Variants in ZCCHC2 observed in about 807,000 individuals in gnomAD.
ZCCHC2 encodes zinc finger CCHC-type containing 2.
ZCCHC2 carries 39 observed loss-of-function variants against 103.6 expected under a neutral mutation model. The ratio of observed to expected loss-of-function variants is 0.38; its 90% CI spans 0.29 to 0.49. The LOEUF is 0.49. ZCCHC2 is among the 20% of genes least tolerant of loss of function. The pLI, the probability that ZCCHC2 is intolerant of heterozygous loss-of-function variation, is 0.96. For missense variants in ZCCHC2, 1,483 were observed against 1,491.0 expected, an observed-to-expected ratio of 0.99 and a Z score of 0.09; for synonymous variants, 687 against 608.9, an observed-to-expected ratio of 1.13 and a Z score of -1.89.
At position 62,523,913 on chromosome 18, in the gene ZCCHC2, C is replaced by G. The variant is rs1003575248; in HGVS notation, c.489C>G (p.Asp163Glu). 65 of 1,535,422 alleles carry G rather than the reference C, an allele frequency of 4.2e-5. No individual in the cohort carries two copies. Among genetic ancestry groups the G allele is most frequent in the Non-Finnish European group, 2.2e-5 (25 of 1,143,908 alleles). The change falls in exon 1 of 14, where the codon GAC becomes GAG. Residue 163 changes from aspartate (D) to glutamate (E), a missense_variant. Asp to Glu is a conservative substitution (Grantham distance 45). Transcript: ENST00000269499. ...NGLSDPGPLADFREPAVRSRL... is the reference protein window; with the variant it reads ...NGLSDPGPLAEFREPAVRSRL... ...TCTCGGACCCGGGGCCGCTGGCCGA[C>G]TTCCGAGAGCCCGCGGTGCGCTCGC...
intron 4 of ZCCHC2, among the ~76,000 whole-genome samples, chr18:62,548,760 G>A (rs1187136350): frequency 1.3e-5 from 2 of 151,678 alleles, no homozygotes; most frequent in African/African-American, 4.8e-5. Flanking sequence ...ATTCTCTACT[G>A]AAAATACAAA....
Position 62,523,376 on chromosome 18 carries a change from G to GGGGGGCC in ZCCHC2, c.-49_-48insGGGGGCC. On this transcript the variant is annotated 5_prime_UTR_variant, in exon 1 of 14. Transcript: ENST00000269499. The stretch of plus-strand genomic sequence containing the variant: ...GCCTCGGCCCGTGCTCCACCTCGCG[G>GGGGGGCC]CCCCTCCCGCCCGCCCCCGCTCGCA... 4.7e-5 allele frequency: 48 copies of GGGGGGCC among 1,012,284 alleles called. No homozygotes were observed. Among genetic ancestry groups the GGGGGGCC allele is most frequent in the Non-Finnish European group, 5.4e-5 (46 of 848,934 alleles). 62.7% of individuals were successfully genotyped at this position (1,012,284 alleles called of 1,614,324 possible). A position where few individuals can be genotyped will look rare whatever the true frequency, so the allele number is the denominator to read the frequency against.
chr18:62,573,171 C>T (rs568749578), intron 12 of ZCCHC2, among the ~76,000 whole-genome samples: 2 of 152,206 alleles, frequency 1.3e-5, no homozygotes, highest in African/African-American at 2.4e-5. Context: ...TACAATTCAG[C>T]TTATCCATAC....
At chr18:62,549,015 T>C (rs542679749) in intron 4 of ZCCHC2, among the ~76,000 whole-genome samples, 48 of 150,876 alleles carry the variant, frequency 3.2e-4, no homozygotes, top group South Asian at 8.4e-4. Flanking sequence ...GTCAGGAGAT[T>C]GAGACCATCC....
At chr18:62,557,088 C>T (rs1485751689) in intron 6 of ZCCHC2, among the ~76,000 whole-genome samples, 1 of 152,156 alleles carries the variant, frequency 6.6e-6, no homozygotes, top group Non-Finnish European at 1.5e-5. Context: ...GTTTTAAGGC[C>T]CAGCTGAAAC....
chr18:62,576,767 C>T lies in ZCCHC2; in HGVS notation c.*188C>T, dbSNP rs1916860473. The T allele has an allele frequency of 9.0e-6, 5 of 554,616 alleles. No individual in the cohort carries two copies. The highest frequency in any genetic ancestry group is 1.6e-5 in the Non-Finnish European group (5 of 313,444). The allele number at this position is 554,616 out of a possible 1,614,324, so 34.4% of individuals were successfully genotyped here. On this transcript the variant is annotated 3_prime_UTR_variant, in exon 14 of 14. Transcript: ENST00000269499. ...AATGCAATGCTTTTGAGCCTCTGGT[C>T]TCCTGGTTCAACAACAGGCTTATAT...
At chr18:62,558,851 C>A in intron 7 of ZCCHC2, 81 bp downstream of exon 7, 4 of 894,420 alleles carry the variant, frequency 4.5e-6, no homozygotes, top group Non-Finnish European at 6.7e-6. Context: ...AAGAAACTGA[C>A]ATATAGGAAT....
chr18:62,562,296 C>G (rs529256168), intron 8 of ZCCHC2, among the ~76,000 whole-genome samples: 2 of 152,268 alleles, frequency 1.3e-5, no homozygotes, highest in South Asian at 4.1e-4. Context: ...GCCACCGTGC[C>G]CAGCCGTCCC....
chr18:62,550,198 G>A (rs1915603409), intron 4 of ZCCHC2, 150 bp from the exon 5 acceptor site: 2 of 615,168 alleles, frequency 3.3e-6, no homozygotes, highest in Non-Finnish European at 5.7e-6. Context: ...TTCATTATGG[G>A]GTCAGATGTT....
At position 62,524,117 on chromosome 18, in the gene ZCCHC2, C is replaced by A. The variant is rs535474174; in HGVS notation, c.693C>A (p.Ala231=). 2 of 1,527,302 alleles carry A rather than the reference C, an allele frequency of 1.3e-6. No homozygotes were observed. Among genetic ancestry groups the A allele is most frequent in the South Asian group, 1.2e-5 (1 of 82,664 alleles). 94.6% of individuals were successfully genotyped at this position (1,527,302 alleles called of 1,614,324 possible). ...RGEDGDGEQD[A]EKDGSGPEGG... is the part of the protein sequence containing the mutation. ...AGGACGGCGACGGCGAGCAGGACGCCGAGAAGGACGGCTCAGGCCCGGAAG... is the reference window on the plus strand; with the variant it reads ...AGGACGGCGACGGCGAGCAGGACGCAGAGAAGGACGGCTCAGGCCCGGAAG... Residue 231 remains alanine, a synonymous_variant, in exon 1 of 14, where the codon GCC becomes GCA. Coordinates refer to ENST00000269499, the MANE Select transcript of ZCCHC2 (RefSeq NM_017742.6).
At chr18:62,538,538 A>G (rs1457838606) in intron 1 of ZCCHC2, among the ~76,000 whole-genome samples, 3 of 152,196 alleles carry the variant, frequency 2.0e-5, no homozygotes, top group Non-Finnish European at 4.4e-5. Flanking sequence ...GAAAATTGGT[A>G]AAGGCTATCA....
At chr18:62,535,839 G>C (rs1914900046) in intron 1 of ZCCHC2, among the ~76,000 whole-genome samples, 1 of 152,192 alleles carries the variant, frequency 6.6e-6, no homozygotes, top group African/African-American at 2.4e-5. Context: ...ATAGAATGTT[G>C]TTATATATTG....
At position 62,542,487 on chromosome 18, in the gene ZCCHC2, T is replaced by A. The variant is rs1310261860; in HGVS notation, c.1052-11T>A. 1.9e-6 allele frequency: 3 copies of A among 1,555,142 alleles called. No homozygotes were observed. The highest frequency in any genetic ancestry group is 4.8e-5 in the East Asian group (2 of 41,654). ...TGTAGCACAAGTCACCGTGTGTTTT[T>A]TTTCTTTCAGCTGTACACATTGAGA... is the stretch of plus-strand genomic sequence containing the variant. On this transcript the variant is annotated splice_polypyrimidine_tract_variant and intron_variant, in intron 2 of 13. Transcript: ENST00000269499.
At position 62,560,587 on chromosome 18, in the gene ZCCHC2, A is replaced by C; in HGVS notation, c.1493A>C (p.Asp498Ala). The C allele has an allele frequency of 6.2e-7, 1 of 1,613,084 alleles. No individual in the cohort carries two copies. Among genetic ancestry groups the C allele is most frequent in the Non-Finnish European group, 8.5e-7 (1 of 1,179,392 alleles). ...DSSEASSQEE[D>A]VLQHAIIHKK... Reference sequence around the variant, plus strand: ...TAAGTTACTTTTTCCTCTCTTCTAGATGTGTTGCAGCATGCCATAATCCAC... The same window carrying C: ...TAAGTTACTTTTTCCTCTCTTCTAGCTGTGTTGCAGCATGCCATAATCCAC... The change falls in exon 8 of 14, where the codon GAT becomes GCT. Residue 498 changes from aspartate to alanine, a missense_variant and splice_region_variant. By Grantham distance (126) the Asp-to-Ala change is moderately radical. Around this residue, in one of 3 missense-constraint regions of ZCCHC2, gnomAD observed 884 missense variants for 907.5 expected, o/e 0.97. Coordinates refer to ENST00000269499, the MANE Select transcript of ZCCHC2 (RefSeq NM_017742.6).
intron 1 of ZCCHC2, among the ~76,000 whole-genome samples, chr18:62,532,357 G>A (rs905729588): frequency 2.0e-4 from 30 of 152,152 alleles, no homozygotes; most frequent in African/African-American, 7.2e-4. Flanking sequence ...GCCTGACACC[G>A]TTCTCTGTTG....
Position 62,577,587 on chromosome 18 carries a change from C to CT in ZCCHC2, c.*1008_*1009insT, listed in dbSNP as rs1411151866. The stretch of plus-strand genomic sequence containing the variant: ...TCTGAACAGAGCTATGGGTTTCTAC[C>CT]ATAAGTCAGGTTGTTTGTTCCCTAA... On this transcript the variant is annotated 3_prime_UTR_variant, in exon 14 of 14. Coordinates refer to ENST00000269499, the MANE Select transcript of ZCCHC2 (RefSeq NM_017742.6). 3 of 152,528 alleles carry CT rather than the reference C, an allele frequency of 2.0e-5. No homozygotes were observed. Among genetic ancestry groups the CT allele is most frequent in the African/African-American group, 4.8e-5 (2 of 41,410 alleles). The allele number at this position is 152,528 out of a possible 1,614,324, so 9.4% of individuals were successfully genotyped here.
intron 1 of ZCCHC2, 159 bp from the exon 2 acceptor site, chr18:62,539,522 C>T: frequency 1.9e-6 from 1 of 540,112 alleles, no homozygotes; most frequent in East Asian, 3.1e-5. Flanking sequence ...CTGCTTGCGG[C>T]TCTCACACTG....
chr18:62,569,920 ATATT>A (rs1423054012), intron 11 of ZCCHC2, among the ~76,000 whole-genome samples, 179 bp from the exon 12 acceptor site: 1 of 152,178 alleles, frequency 6.6e-6, no homozygotes, highest in Non-Finnish European at 1.5e-5. Flanking sequence ...TTTTAAGGAT[ATATT>A]TATTAAGTAT....
chr18:62,545,477 G>A (rs187493436), intron 4 of ZCCHC2, among the ~76,000 whole-genome samples: 11 of 152,016 alleles, frequency 7.2e-5, no homozygotes, highest in Admixed American at 6.5e-4. Flanking sequence ...CAAACTACTG[G>A]GAATAAGAAG....
Sources: gnomAD v4.1 joint callset for allele counts (sites outside exome capture counted in the v4.1 genomes callset) on GRCh38, gnomAD v4.1.1 for gene constraint, gnomAD v4.1.1 regional missense constraint, MANE v1.5 for transcripts, NCBI Gene and HGNC (gene_info 2026-07-23, HGNC 2026-07-21) for gene names.